The following AGO3 variants were observed in gnomAD, a reference collection of about 807,000 sequenced individuals.
AGO3 encodes argonaute RISC catalytic component 3, also known as protein argonaute-3.
Under a neutral mutation model 105.5 loss-of-function variants are expected in AGO3, and 16 were observed. That is an observed-to-expected ratio of 0.15 (90% CI 0.10 to 0.23). The LOEUF is 0.23. AGO3 is among the 10% of genes least tolerant of loss of function. The probability of loss-of-function intolerance (pLI) is 1.00; values close to 1 mark genes in which losing one functional copy is unlikely to be tolerated. For missense variants in AGO3, 534 were observed against 1,088.0 expected, an observed-to-expected ratio of 0.49 and a Z score of 7.16; for synonymous variants, 340 against 367.3, an observed-to-expected ratio of 0.93 and a Z score of 0.85.
intron 5 of AGO3, 150 bp from the exon 6 acceptor site, chr1:36,004,191 T>TA: frequency 5.7e-6 from 4 of 702,536 alleles, no homozygotes; most frequent in Non-Finnish European, 8.5e-6. Flanking sequence ...GAGGTCAAAT[T>TA]AAAACTGCTT....
At chr1:36,047,879 CA>C (rs75638046) in intron 17 of AGO3, among the ~76,000 whole-genome samples, 12 of 144,516 alleles carry the variant, frequency 8.3e-5, no homozygotes, top group South Asian at 2.2e-4. Context: ...GGCCCTGTCT[CA>C]AAAAAAAAAG....
chr1:35,971,608 G>A (rs754133055), intron 3 of AGO3, among the ~76,000 whole-genome samples: 1 of 151,792 alleles, frequency 6.6e-6, no homozygotes, highest in Non-Finnish European at 1.5e-5. Flanking sequence ...CTTTGTTTCT[G>A]GTTCATGCTT....
intron 5 of AGO3, among the ~76,000 whole-genome samples, chr1:36,003,404 C>G (rs1640184849): frequency 6.6e-6 from 1 of 151,940 alleles, no homozygotes; most frequent in Non-Finnish European, 1.5e-5. Flanking sequence ...CTAAATATTA[C>G]TATCTGTAGA....
intron 12 of AGO3, among the ~76,000 whole-genome samples, chr1:36,029,938 C>T (rs1254103954): frequency 7.9e-5 from 12 of 151,866 alleles, no homozygotes; most frequent in African/African-American, 1.7e-4. Context: ...GGTGATCTGC[C>T]CACCCCAGCC....
intron 2 of AGO3, among the ~76,000 whole-genome samples, chr1:35,966,736 C>A (rs78369100): frequency 3.9e-5 from 6 of 152,102 alleles, no homozygotes; most frequent in Non-Finnish European, 7.4e-5. Context: ...GTAATATGCT[C>A]GCTTCATTCT....
chr1:36,014,816 T>C (rs1230008263), intron 11 of AGO3, among the ~76,000 whole-genome samples: 1 of 151,626 alleles, frequency 6.6e-6, no homozygotes, highest in Non-Finnish European at 1.5e-5. Flanking sequence ...GTGAAAAAAT[T>C]TGTTAGTCAT....
At chr1:35,980,667 G>C (rs1445716928) in intron 5 of AGO3, among the ~76,000 whole-genome samples, 1 of 152,176 alleles carries the variant, frequency 6.6e-6, no homozygotes, top group Non-Finnish European at 1.5e-5. Flanking sequence ...TTTTTCCACT[G>C]TCTTCTGGCA....
rs1419932954 is a variant in AGO3, at chr1:35,972,203, T to C, written c.492T>C (p.Asp164=). The change falls in exon 4 of 19, where the codon GAT becomes GAC. Residue 164 remains aspartate, a synonymous_variant. Coordinates refer to ENST00000373191, the MANE Select transcript of AGO3 (RefSeq NM_024852.4). ...GCACTAACCCTGTCCATGCCGTTGATGTGGTGCTACGACATCTGCCCTCCA... is the reference window on the plus strand; with the variant it reads ...GCACTAACCCTGTCCATGCCGTTGACGTGGTGCTACGACATCTGCCCTCCA... ...PISTNPVHAV[D]VVLRHLPSMK... is the part of the protein sequence containing the mutation. 4 of 1,613,930 alleles carry C rather than the reference T, an allele frequency of 2.5e-6. 1 individual carries two copies. Among genetic ancestry groups the C allele is most frequent in the South Asian group, 1.1e-5 (1 of 91,086 alleles).
chr1:35,943,301 C>G (rs1315312599), intron 1 of AGO3, among the ~76,000 whole-genome samples: 2 of 124,428 alleles, frequency 1.6e-5, no homozygotes, highest in Non-Finnish European at 3.4e-5. Flanking sequence ...CCATGCCCAT[C>G]TTTTTTTTTT....
rs997779119 is a variant in AGO3, at chr1:36,061,772, C to T, written c.*6027C>T. Reference sequence around the variant, plus strand: ...AAGCAAGGCGGTTCTTAGAAAGTGCCTTTTCAGAAGATGGTGCTGTAGATT... The same window carrying T: ...AAGCAAGGCGGTTCTTAGAAAGTGCTTTTTCAGAAGATGGTGCTGTAGATT... On this transcript the variant is annotated 3_prime_UTR_variant, in exon 19 of 19. Coordinates refer to ENST00000373191, the MANE Select transcript of AGO3 (RefSeq NM_024852.4). 2 of 152,148 alleles carry T rather than the reference C, an allele frequency of 1.3e-5. No individual in the cohort carries two copies. Among genetic ancestry groups the T allele is most frequent in the Non-Finnish European group, 2.9e-5 (2 of 68,038 alleles). The allele number at this position is 152,148 out of a possible 1,614,324, so 9.4% of individuals were successfully genotyped here. A position where few individuals can be genotyped will look rare whatever the true frequency, so the allele number is the denominator to read the frequency against.
At chr1:35,947,099 TTTTA>T (rs540271850) in intron 2 of AGO3, among the ~76,000 whole-genome samples, 2 of 151,794 alleles carry the variant, frequency 1.3e-5, no homozygotes, top group South Asian at 2.1e-4. Context: ...ATACATATAA[TTTTA>T]TTTATTTATT....
chr1:35,998,977 G>A (rs1475073546), intron 5 of AGO3, among the ~76,000 whole-genome samples: 1 of 152,200 alleles, frequency 6.6e-6, no homozygotes, highest in Non-Finnish European at 1.5e-5. Context: ...TTTCAAGCCT[G>A]TTCTGTGTGT....
chr1:35,931,353 C>A lies in AGO3; in HGVS notation c.-74C>A, dbSNP rs1013384942. The A allele has an allele frequency of 4.5e-6, 6 of 1,347,704 alleles. No individual in the cohort carries two copies. Among genetic ancestry groups the A allele is most frequent in the Admixed American group, 3.7e-5 (1 of 27,292 alleles). 83.5% of individuals were successfully genotyped at this position (1,347,704 alleles called of 1,614,324 possible). A position where few individuals can be genotyped will look rare whatever the true frequency, so the allele number is the denominator to read the frequency against. The stretch of plus-strand genomic sequence containing the variant: ...GAGTGCCCGTCGCGTCGCGCCGCGT[C>A]GCCCCCCGGGCCGCCTCCTTGCCGC... On this transcript the variant is annotated 5_prime_UTR_variant, in exon 1 of 19. Transcript: ENST00000373191.
chr1:36,010,675 A>AG lies in AGO3; in HGVS notation c.1149+1087dup, dbSNP rs1252527841. On this transcript the variant is annotated intron_variant, in intron 9 of 18. Transcript: ENST00000373191. Reference sequence around the variant, plus strand: ...GTAATCCCAGCACTTTCGGAGGCCGAGGGGGGCGGATCACCTGAGGTTGGG... The same window carrying AG: ...GTAATCCCAGCACTTTCGGAGGCCGAGGGGGGGCGGATCACCTGAGGTTGGG... Among the ~76,000 whole-genome samples the AG allele has an allele frequency of 5.3e-5, 8 of 151,606 alleles. No homozygotes were observed. In the East Asian group the frequency reaches 1.2e-3, roughly 22 times the overall value.
intron 1 of AGO3, among the ~76,000 whole-genome samples, chr1:35,943,100 T>C (rs988577826): frequency 6.6e-6 from 1 of 151,902 alleles, no homozygotes; most frequent in African/African-American, 2.4e-5. Context: ...CCTCCCAGGT[T>C]CAAGTGATTC....
chr1:36,040,732 G>A (rs1264407871), intron 16 of AGO3, among the ~76,000 whole-genome samples: 1 of 152,044 alleles, frequency 6.6e-6, no homozygotes, highest in Non-Finnish European at 1.5e-5. Context: ...AGAAAAAACA[G>A]TACATTCTCT....
In AGO3 at chr1:35,933,135, T is replaced by C. The variant is rs571938355; in HGVS notation, c.19+1690T>C. On this transcript the variant is annotated intron_variant, in intron 1 of 18. Coordinates refer to ENST00000373191, the MANE Select transcript of AGO3 (RefSeq NM_024852.4). ...TCTTCACATTTGGGGAAGTGTGTAG[T>C]TAGATTATCAACTATATGCCTGGGT... Among the ~76,000 whole-genome samples, 7 of 152,292 alleles carry C rather than the reference T, an allele frequency of 4.6e-5. No individual in the cohort carries two copies. In the South Asian group the frequency reaches 1.5e-3, roughly 32 times the overall value.
chr1:36,027,208 A>T lies in AGO3; in HGVS notation c.1501A>T (p.Ser501Cys), dbSNP rs199811357. The T allele has an allele frequency of 6.2e-7, 1 of 1,614,240 alleles. No homozygotes were observed. Reference protein sequence around the residue: ...CFCKYAQGADSVEPMFRHLKN... With the variant: ...CFCKYAQGADCVEPMFRHLKN... Reference sequence around the variant, plus strand: ...CTGCAAATATGCACAGGGGGCAGACAGCGTAGAGCCCATGTTCCGGCATCT... The same window carrying T: ...CTGCAAATATGCACAGGGGGCAGACTGCGTAGAGCCCATGTTCCGGCATCT... The change falls in exon 12 of 19, where the codon AGC (serine) becomes TGC (cysteine). Residue 501 changes from serine to cysteine, a missense_variant. By Grantham distance (112) the Ser-to-Cys change is moderately radical. This residue lies in a region of AGO3 where 373 missense variants were observed against 854.0 expected (regional missense o/e 0.44). Coordinates refer to ENST00000373191, the MANE Select transcript of AGO3 (RefSeq NM_024852.4). The surrounding 1 kb of genome is among the most constrained non-coding windows in gnomAD (Gnocchi z 4.0).
At chr1:35,941,589 A>G (rs1646255613) in intron 1 of AGO3, among the ~76,000 whole-genome samples, 1 of 152,174 alleles carries the variant, frequency 6.6e-6, no homozygotes, top group Admixed American at 6.5e-5. Flanking sequence ...CAATTCTCCT[A>G]CTTACTAGCT....
Sources: allele counts gnomAD v4.1 joint callset (sites outside exome capture counted in the v4.1 genomes callset), GRCh38; gene constraint gnomAD v4.1.1; regional missense constraint gnomAD v4.1.1; non-coding constraint Gnocchi (gnomAD v3.1); transcripts MANE v1.5; gene names NCBI Gene and HGNC (gene_info 2026-07-23, HGNC 2026-07-21).